Variants in DOCK3 observed in about 807,000 individuals in gnomAD.
The protein encoded by DOCK3 is dedicator of cytokinesis 3, also known as dedicator of cytokinesis protein 3.
In DOCK3, 60 loss-of-function variants were observed where a neutral mutation model predicts 265.6. The ratio of observed to expected loss-of-function variants is 0.23; its 90% CI spans 0.18 to 0.28. The LOEUF (loss-of-function observed/expected upper bound fraction) is 0.28. DOCK3 is among the 10% of genes least tolerant of loss of function. The probability of loss-of-function intolerance (pLI) is 1.00; values close to 1 mark genes in which losing one functional copy is unlikely to be tolerated. For synonymous variants in DOCK3, 881 were observed against 938.0 expected (o/e 0.94, Z 1.11); for missense variants, 1,981 against 2,594.3 (o/e 0.76, Z 5.14).
chr3:51,297,839 C>T (rs900420686), intron 27 of DOCK3, among the ~76,000 whole-genome samples: 1 of 151,574 alleles, frequency 6.6e-6, no homozygotes, highest in African/African-American at 2.4e-5. Flanking sequence ...CCTGTAGTCC[C>T]AGTTTAGTCC....
chr3:51,150,679 T>G (rs561356022), intron 10 of DOCK3, among the ~76,000 whole-genome samples: 1 of 152,378 alleles, frequency 6.6e-6, no homozygotes, highest in African/African-American at 2.4e-5. Context: ...AGTTCTAATT[T>G]GATTGCACTG....
intron 5 of DOCK3, among the ~76,000 whole-genome samples, chr3:51,033,957 G>A (rs1182394294): frequency 6.6e-6 from 1 of 152,114 alleles, no homozygotes; most frequent in African/African-American, 2.4e-5. Context: ...TAAGTTTGAT[G>A]TTTGTTCTTT....
At chr3:51,077,776 A>G (rs150396179) in intron 7 of DOCK3, among the ~76,000 whole-genome samples, 73 of 152,360 alleles carry the variant, frequency 4.8e-4, no homozygotes, top group African/African-American at 1.7e-3. Flanking sequence ...ACATCCCACC[A>G]GAGATGCTGA....
At chr3:51,203,872 C>G (rs2108053284) in intron 12 of DOCK3, among the ~76,000 whole-genome samples, 3 of 152,322 alleles carry the variant, frequency 2.0e-5, no homozygotes, top group Middle Eastern at 6.8e-3. Context: ...GTATCTACAA[C>G]TATCTGATCT....
At chr3:50,805,751 G>C (rs1223745856) in intron 2 of DOCK3, among the ~76,000 whole-genome samples, 1 of 152,128 alleles carries the variant, frequency 6.6e-6, no homozygotes, top group African/African-American at 2.4e-5. Flanking sequence ...TATTTCTTTG[G>C]CCTCGTATGT....
At chr3:50,782,576 AGTGTGTGTGTGTGTGT>A (rs145578993) in intron 2 of DOCK3, among the ~76,000 whole-genome samples, 2 of 147,212 alleles carry the variant, frequency 1.4e-5, no homozygotes, top group Non-Finnish European at 3.0e-5. Context: ...TTATTTTTTG[AGTGTGTGTGTGTGTGT>A]GTGTGTGTGT....
intron 2 of DOCK3, chr3:50,788,249 C>T: frequency 2.9e-6 from 2 of 680,926 alleles, no homozygotes; most frequent in East Asian, 4.2e-5. Context: ...GCACAGTTTT[C>T]AACCAGCTCC....
chr3:50,768,984 A>G (rs187127835), intron 1 of DOCK3, among the ~76,000 whole-genome samples: 2 of 151,890 alleles, frequency 1.3e-5, no homozygotes, highest in East Asian at 3.9e-4. Flanking sequence ...ATTTTGATTT[A>G]CATTTCTCTG....
At chr3:51,137,204 GA>G (rs1395875479) in intron 9 of DOCK3, among the ~76,000 whole-genome samples, 2 of 152,060 alleles carry the variant, frequency 1.3e-5, no homozygotes, top group Non-Finnish European at 2.9e-5. Context: ...ATCTAAATTG[GA>G]AAATGAATCT....
chr3:51,190,007 C>T (rs72953143), intron 12 of DOCK3, among the ~76,000 whole-genome samples: 11,031 of 152,228 alleles, frequency 0.072, 996 homozygotes, highest in East Asian at 0.32. Context: ...CTTCTCAGGA[C>T]GCTTCACAAG....
At chr3:51,114,721 G>A (rs1456185821) in intron 9 of DOCK3, among the ~76,000 whole-genome samples, 1 of 152,032 alleles carries the variant, frequency 6.6e-6, no homozygotes, top group Non-Finnish European at 1.5e-5. Flanking sequence ...TGTTACATAG[G>A]TATACATGTG....
At chr3:50,788,089 C>T (rs2042279403) in intron 2 of DOCK3, 5 of 755,946 alleles carry the variant, frequency 6.6e-6, no homozygotes, top group Non-Finnish European at 1.1e-5. Flanking sequence ...GTTTGCTCAT[C>T]TTGGTGTCCA....
At chr3:51,318,999 A>G (rs2083522187) in intron 32 of DOCK3, among the ~76,000 whole-genome samples, 1 of 152,120 alleles carries the variant, frequency 6.6e-6, no homozygotes, top group Non-Finnish European at 1.5e-5. Context: ...TCATCTGAGA[A>G]TAGAGTTTTA....
At chr3:50,818,945 C>G (rs1008406881) in intron 2 of DOCK3, among the ~76,000 whole-genome samples, 2 of 152,174 alleles carry the variant, frequency 1.3e-5, no homozygotes, top group African/African-American at 4.8e-5. Context: ...CAGGATTCTT[C>G]TTAATATGCA....
chr3:50,678,989 A>G (rs2034190399), intron 1 of DOCK3, among the ~76,000 whole-genome samples: 1 of 151,552 alleles, frequency 6.6e-6, no homozygotes, highest in Admixed American at 6.6e-5. Context: ...TTGTTTTTGT[A>G]TTTTTAGTAG....
In DOCK3 at chr3:51,375,831, A is replaced by C. The variant is rs1451535709; in HGVS notation, c.5496A>C (p.Glu1832Asp). The C allele has an allele frequency of 6.2e-7, 1 of 1,613,982 alleles. No individual in the cohort carries two copies. Among genetic ancestry groups the C allele is most frequent in the Non-Finnish European group, 8.5e-7 (1 of 1,179,874 alleles). Reference sequence around the variant, plus strand: ...GTGATCCCAATCTGTCTGTGGCTGAAAAAGGTATTGTTGCCCAGGTGGCCT... The same window carrying C: ...GTGATCCCAATCTGTCTGTGGCTGACAAAGGTATTGTTGCCCAGGTGGCCT... The part of the protein sequence containing the change: ...PCSDPNLSVA[E>D]KGHYSLHFDA... Residue 1832 changes from glutamate to aspartate, a missense_variant, in exon 51 of 53, where the codon GAA (glutamate) becomes GAC (aspartate). Physicochemically the swap from Glu to Asp is conservative, Grantham distance 45. This residue lies in a region of DOCK3 where 1,357 missense variants were observed against 1,866.8 expected (regional missense o/e 0.73). Coordinates refer to ENST00000266037, the MANE Select transcript of DOCK3 (RefSeq NM_004947.5).
chr3:50,994,090 T>G (rs955751225), intron 5 of DOCK3, among the ~76,000 whole-genome samples: 1 of 152,114 alleles, frequency 6.6e-6, no homozygotes, highest in Non-Finnish European at 1.5e-5. Context: ...GATATTGGAC[T>G]GAGTGGCAGG....
Position 51,360,539 on chromosome 3 carries a change from C to T in DOCK3, c.4913C>T (p.Pro1638Leu), listed in dbSNP as rs2086659740. 3.1e-6 allele frequency: 5 copies of T among 1,612,648 alleles called. No individual in the cohort carries two copies. Among genetic ancestry groups the T allele is most frequent in the Non-Finnish European group, 4.2e-6 (5 of 1,179,334 alleles). Reference protein sequence around the residue: ...HEFPGLDKLSPACSGTSTPRG... With the variant: ...HEFPGLDKLSLACSGTSTPRG... The stretch of plus-strand genomic sequence containing the variant: ...TTTCCAGGTTTGGATAAGCTAAGTC[C>T]TGCATGTTCAGGCACCAGCACCCCA... Residue 1638 changes from proline (P) to leucine (L), a missense_variant, in exon 47 of 53, where the codon CCT becomes CTT. By Grantham distance (98) the Pro-to-Leu change is moderately conservative. Around this residue, in one of 4 missense-constraint regions of DOCK3, gnomAD observed 1,357 missense variants for 1,866.8 expected, o/e 0.73. Transcript: ENST00000266037.
chr3:50,835,246 T>C (rs958502287), intron 2 of DOCK3, among the ~76,000 whole-genome samples: 5 of 152,224 alleles, frequency 3.3e-5, no homozygotes, highest in Non-Finnish European at 5.9e-5. Flanking sequence ...TTTATGATCT[T>C]TTACCAAATC....
Sources: allele counts gnomAD v4.1 joint callset (sites outside exome capture counted in the v4.1 genomes callset), GRCh38; gene constraint gnomAD v4.1.1; regional missense constraint gnomAD v4.1.1; transcripts MANE v1.5; gene names NCBI Gene and HGNC (gene_info 2026-07-23, HGNC 2026-07-21).